ANO4: variants seen among roughly 807,000 people sequenced by gnomAD.
ANO4 encodes anoctamin-4.
A neutral mutation model predicts 141.9 loss-of-function variants in ANO4; 69 were observed. The ratio of observed to expected loss-of-function variants is 0.49; its 90% CI spans 0.40 to 0.59. ANO4 has a LOEUF of 0.59. ANO4 is among the 20% of genes least tolerant of loss of function. The pLI is 0.00. For missense variants in ANO4, 894 were observed against 1,162.2 expected (o/e 0.77, Z 3.36); for synonymous variants, 350 against 394.3 (o/e 0.89, Z 1.33).
At chr12:101,003,648 CTT>C (rs953331432) in intron 8 of ANO4, among the ~76,000 whole-genome samples, 1 of 151,942 alleles carries the variant, frequency 6.6e-6, no homozygotes, top group South Asian at 2.1e-4. Context: ...ATGTCTCATA[CTT>C]TTTTTTATGA....
At chr12:100,966,314 A>G (rs780066667) in intron 5 of ANO4, among the ~76,000 whole-genome samples, 15 of 152,352 alleles carry the variant, frequency 9.8e-5, no homozygotes, top group African/African-American at 3.6e-4. Flanking sequence ...TAAGATATGC[A>G]TTGCTATCAT....
At chr12:100,940,459 C>A (rs1412557188) in intron 4 of ANO4, among the ~76,000 whole-genome samples, 1 of 152,152 alleles carries the variant, frequency 6.6e-6, no homozygotes, top group Non-Finnish European at 1.5e-5. Flanking sequence ...TTTTTGAAGG[C>A]AGATGCTAAT....
At chr12:100,897,750 G>A (rs1452697669) in intron 1 of ANO4, among the ~76,000 whole-genome samples, 1 of 152,206 alleles carries the variant, frequency 6.6e-6, no homozygotes, top group African/African-American at 2.4e-5. Flanking sequence ...TACAGCTCTA[G>A]ATAGTTCTTA....
intron 1 of ANO4, among the ~76,000 whole-genome samples, chr12:100,861,819 A>T (rs2038496582): frequency 6.6e-6 from 1 of 152,168 alleles, no homozygotes; most frequent in Non-Finnish European, 1.5e-5. Flanking sequence ...CTTATTCTAT[A>T]AGTTTTTTTC....
At chr12:101,064,671 TAATA>T (rs1343447216) in intron 14 of ANO4, among the ~76,000 whole-genome samples, 3 of 141,918 alleles carry the variant, frequency 2.1e-5, no homozygotes, top group Non-Finnish European at 4.5e-5. Flanking sequence ...ATTATAATAA[TAATA>T]ATAATAATAA....
At chr12:100,903,706 T>C (rs1347386516) in intron 2 of ANO4, among the ~76,000 whole-genome samples, 2 of 152,228 alleles carry the variant, frequency 1.3e-5, no homozygotes, top group East Asian at 3.9e-4. Context: ...CTGGAACTCT[T>C]GGGCACAGCT....
intron 1 of ANO4, among the ~76,000 whole-genome samples, chr12:100,848,799 C>T (rs959171476): frequency 3.3e-5 from 5 of 152,254 alleles, no homozygotes; most frequent in African/African-American, 1.2e-4. Context: ...CTGGGTAATT[C>T]CTGTTGTCTT....
chr12:100,950,079 C>T (rs1186933327), intron 5 of ANO4, among the ~76,000 whole-genome samples: 2 of 152,158 alleles, frequency 1.3e-5, no homozygotes, highest in Non-Finnish European at 2.9e-5. Flanking sequence ...GATGCTCTCT[C>T]AGCATCCAGA....
At chr12:100,946,709 A>T (rs965220450) in intron 5 of ANO4, among the ~76,000 whole-genome samples, 1 of 152,230 alleles carries the variant, frequency 6.6e-6, no homozygotes. Flanking sequence ...TCTGGACTAG[A>T]GATACACATT....
chr12:100,734,739 G>A (rs2031533584), intron 2 of ANO4, among the ~76,000 whole-genome samples: 1 of 152,146 alleles, frequency 6.6e-6, no homozygotes, highest in South Asian at 2.1e-4. Flanking sequence ...TCAAACTCCA[G>A]CAATGTGGAT....
At chr12:100,958,972 G>A (rs2043289743) in intron 5 of ANO4, among the ~76,000 whole-genome samples, 1 of 152,068 alleles carries the variant, frequency 6.6e-6, no homozygotes, top group African/African-American at 2.4e-5. Flanking sequence ...GTGTTGGGTG[G>A]GGGCTCACTG....
chr12:100,843,044 T>A (rs2037366521), intron 1 of ANO4, among the ~76,000 whole-genome samples: 1 of 152,140 alleles, frequency 6.6e-6, no homozygotes, highest in Admixed American at 6.5e-5. Context: ...TGACTTCTTC[T>A]TCTTAGAATT....
chr12:101,092,787 G>A (rs978909761), intron 17 of ANO4, among the ~76,000 whole-genome samples: 3 of 152,006 alleles, frequency 2.0e-5, no homozygotes, highest in African/African-American at 7.2e-5. Context: ...CCTCAGCTCC[G>A]AGGGCCTTTT....
rs1337700424 is a variant in ANO4, at chr12:100,972,713, T to G, written c.557+1307T>G. 3.3e-5 allele frequency among the ~76,000 whole-genome samples: 5 copies of G among 152,288 alleles called. No individual in the cohort carries two copies. In the South Asian group the frequency reaches 1.0e-3, roughly 32 times the overall value. ...GTGTCTAATGTGGATTAATACCATA[T>G]TATACCTAAGAACCGAAAGAGAAAG... On this transcript the variant is annotated intron_variant, in intron 6 of 27. Transcript: ENST00000392977.
At chr12:100,751,486 T>C (rs1773914148) in intron 3 of ANO4, among the ~76,000 whole-genome samples, 1 of 152,100 alleles carries the variant, frequency 6.6e-6, no homozygotes, top group African/African-American at 2.4e-5. Context: ...CTCCTGGTTA[T>C]GTGGGTATAT....
At chr12:100,904,004 G>A (rs2040721698) in intron 2 of ANO4, among the ~76,000 whole-genome samples, 1 of 152,242 alleles carries the variant, frequency 6.6e-6, no homozygotes, top group Non-Finnish European at 1.5e-5. Context: ...TTCTTCCCAG[G>A]ATACCCTGGT....
intron 1 of ANO4, among the ~76,000 whole-genome samples, chr12:100,818,736 C>T (rs187517366): frequency 7.7e-4 from 117 of 151,976 alleles, no homozygotes; most frequent in African/African-American, 2.7e-3. Flanking sequence ...TAGTTCTCAA[C>T]AAATCGTGAT....
At chr12:100,975,792 G>C (rs1176337281) in intron 7 of ANO4, among the ~76,000 whole-genome samples, 1 of 151,984 alleles carries the variant, frequency 6.6e-6, no homozygotes, top group Non-Finnish European at 1.5e-5. Flanking sequence ...TAATTTGAAA[G>C]CTTGAAGTGC....
chr12:100,965,051 T>C (rs1046353415), intron 5 of ANO4, among the ~76,000 whole-genome samples: 2 of 152,114 alleles, frequency 1.3e-5, no homozygotes, highest in South Asian at 2.1e-4. Context: ...GCAGAATAGA[T>C]GAGTGGATGT....
Sources: allele counts gnomAD v4.1 joint callset (sites outside exome capture counted in the v4.1 genomes callset), GRCh38; gene constraint gnomAD v4.1.1; transcripts MANE v1.5; gene names NCBI Gene and HGNC (gene_info 2026-07-23, HGNC 2026-07-21).